Variants in GRK6 observed in about 807,000 individuals in gnomAD.
The protein encoded by GRK6 is G protein-coupled receptor kinase 6.
In GRK6, 37 loss-of-function variants were observed where a neutral mutation model predicts 80.8. That is an observed-to-expected ratio of 0.46 (90% CI 0.35 to 0.60). The LOEUF is 0.60. Ranked by LOEUF, GRK6 falls within the 20% of genes least tolerant of loss-of-function variation. GRK6 has a pLI of 0.00. For missense variants in GRK6, 560 were observed against 784.6 expected (o/e 0.71, Z 3.42); for synonymous variants, 295 against 320.9 (o/e 0.92, Z 0.86).
chr5:177,433,590 G>C lies in GRK6; in HGVS notation c.652G>C (p.Glu218Gln). 1 of 1,614,166 alleles carries C rather than the reference G, an allele frequency of 6.2e-7. No individual in the cohort carries two copies. Among genetic ancestry groups the C allele is most frequent in the Non-Finnish European group, 8.5e-7 (1 of 1,180,038 alleles). Residue 218 changes from glutamate (E) to glutamine (Q), a missense_variant, in exon 8 of 16, where the codon GAG becomes CAG. Glu to Gln is a conservative substitution (Grantham distance 29). Coordinates refer to ENST00000355472, the MANE Select transcript of GRK6 (RefSeq NM_001004106.3). ...TAAGATGTATGCCTGCAAGAAGCTA[G>C]AGAAAAAGCGGATCAAGAAGCGGAA... ...TGKMYACKKL[E>Q]KKRIKKRKGE... is the part of the protein sequence containing the mutation.
At chr5:177,426,098 T>C (rs1017365958), upstream of GRK6, among the ~76,000 whole-genome samples, 3 of 152,152 alleles carry the variant, frequency 2.0e-5, no homozygotes, top group African/African-American at 7.2e-5. Flanking sequence ...CGCAGCCTCC[T>C]CCCTGTCTCT....
In GRK6 at chr5:177,436,428, T is replaced by C; in HGVS notation, c.1302T>C (p.Cys434=). ...AGGACCCTGCCGAACGCCTGGGGTG[T>C]CGTGGGGGCAGTGCCCGCGAGGTGA... The part of the protein sequence containing the change: ...LCKDPAERLG[C]RGGSAREVKE... Residue 434 remains cysteine (C), a synonymous_variant, in exon 13 of 16, where the codon TGT becomes TGC. Coordinates refer to ENST00000355472, the MANE Select transcript of GRK6 (RefSeq NM_001004106.3). 1.3e-6 allele frequency: 2 copies of C among 1,537,466 alleles called. No individual in the cohort carries two copies. Among genetic ancestry groups the C allele is most frequent in the Non-Finnish European group, 1.8e-6 (2 of 1,133,998 alleles).
rs114724562 is a variant in GRK6 at position 177,440,558 on chromosome 5, G to A, written c.1405-142G>A. 330 of 961,144 alleles carry A rather than the reference G, an allele frequency of 3.4e-4. 4 individuals carry two copies. The South Asian group carries it at 4.3e-3, about 13-fold the overall frequency. The allele number at this position is 961,144 out of a possible 1,614,324, so 59.5% of individuals were successfully genotyped here. On this transcript the variant is annotated intron_variant, in intron 13 of 15. Coordinates refer to ENST00000355472, the MANE Select transcript of GRK6 (RefSeq NM_001004106.3). ...AGGGCCTGCCCCACTTAGGAAGTGCGTGGGGCACCTGGTTTCTCCAAATCA... is the reference window on the plus strand; with the variant it reads ...AGGGCCTGCCCCACTTAGGAAGTGCATGGGGCACCTGGTTTCTCCAAATCA...
intron 13 of GRK6, chr5:177,439,827 C>T (rs1764374787): frequency 6.6e-6 from 1 of 152,268 alleles, no homozygotes; most frequent in Non-Finnish European, 1.5e-5. Context: ...CTTCAAGGTT[C>T]ATCCATGTTG....
At position 177,436,489 on chromosome 5, in the gene GRK6, C is replaced by A. The variant is rs1764164406; in HGVS notation, c.1363C>A (p.Arg455=). The A allele has an allele frequency of 6.2e-7, 1 of 1,609,192 alleles. No individual in the cohort carries two copies. Among genetic ancestry groups the A allele is most frequent in the African/African-American group, 1.3e-5 (1 of 74,838 alleles). ...HPLFKKLNFK[R]LGAGMLEPPF... ...CCTCTTTAAGAAGCTGAACTTCAAG[C>A]GGCTGGGAGCTGGCATGCTGGAGCC... The change falls in exon 13 of 16, where the codon CGG becomes AGG. Residue 455 remains arginine (R), a synonymous_variant. Coordinates refer to ENST00000355472, the MANE Select transcript of GRK6 (RefSeq NM_001004106.3).
intron 13 of GRK6, among the ~76,000 whole-genome samples, chr5:177,439,696 T>G (rs1224659422): frequency 6.6e-6 from 1 of 151,736 alleles, no homozygotes; most frequent in Non-Finnish European, 1.5e-5. Flanking sequence ...CTCCCGCTGC[T>G]CCTAGCAATC....
chr5:177,429,399 A>G lies in GRK6; in HGVS notation c.53-1473A>G, dbSNP rs1170409059. Among the ~76,000 whole-genome samples, 1 of 151,904 alleles carries G rather than the reference A, an allele frequency of 6.6e-6. No individual in the cohort carries two copies. Among genetic ancestry groups the G allele is most frequent in the Non-Finnish European group, 1.5e-5 (1 of 67,946 alleles). ...TGGCTGGGAGGGGGGAGGAGGAAGT[A>G]ACTGAGGGTGGGAGGCTGGCGGATG... On this transcript the variant is annotated intron_variant, in intron 1 of 15. Coordinates refer to ENST00000355472, the MANE Select transcript of GRK6 (RefSeq NM_001004106.3). The surrounding 1 kb of genome is among the most constrained non-coding windows in gnomAD (Gnocchi z 4.3).
In GRK6 at chr5:177,433,399, G is replaced by A. The variant is rs758884458; in HGVS notation, c.586G>A (p.Gly196Ser). The A allele has an allele frequency of 6.2e-7, 1 of 1,613,738 alleles. No individual in the cohort carries two copies. Among genetic ancestry groups the A allele is most frequent in the Non-Finnish European group, 8.5e-7 (1 of 1,179,758 alleles). Residue 196 changes from glycine (G) to serine (S), a missense_variant, in exon 7 of 16, where the codon GGC becomes AGC. Transcript: ENST00000355472. ...GCAATACCGAGTCCTGGGCAAAGGT[G>A]GCTTTGGGGAGGTGAGTGGCCAGGC... ...FRQYRVLGKG[G>S]FGEVCACQVR...
intron 2 of GRK6, 63 bp from the exon 3 acceptor site, chr5:177,431,932 G>T: frequency 7.0e-7 from 1 of 1,433,072 alleles, no homozygotes; most frequent in Non-Finnish European, 9.8e-7. Flanking sequence ...TGGTGGTGTG[G>T]GCACATGCCC....
Position 177,429,792 on chromosome 5 carries a change from T to A in GRK6, c.53-1080T>A, listed in dbSNP as rs1763812481. ...TGCCATGGCGTTGTTGGAGTTGGGG[T>A]TCACCTCTTGACTCAGCCCTACTTG... is the stretch of plus-strand genomic sequence containing the variant. On this transcript the variant is annotated intron_variant, in intron 1 of 15. Transcript: ENST00000355472. This position sits in a 1 kb window ranked among gnomAD's most constrained non-coding sequence, Gnocchi z 4.3. Among the ~76,000 whole-genome samples the A allele has an allele frequency of 6.6e-6, 1 of 152,120 alleles. No individual in the cohort carries two copies. Among genetic ancestry groups the A allele is most frequent in the Non-Finnish European group, 1.5e-5 (1 of 68,014 alleles).
intron 13 of GRK6, among the ~76,000 whole-genome samples, chr5:177,437,758 T>C (rs1764230847): frequency 6.6e-6 from 1 of 152,208 alleles, no homozygotes; most frequent in African/African-American, 2.4e-5. Flanking sequence ...GTGACAGTCA[T>C]AGGGAAGGTT....
rs1230421764 is a variant in GRK6, at chr5:177,436,188, G to T, written c.1173G>T (p.Lys391Asn). 19 of 1,614,114 alleles carry T rather than the reference G, an allele frequency of 1.2e-5. No individual in the cohort carries two copies. Among genetic ancestry groups the T allele is most frequent in the South Asian group, 6.6e-5 (6 of 91,090 alleles). ...CGCCCTTCCAGCAGAGGAAGAAGAA[G>T]ATCAAGCGGGAGGAGGTGGAGCGGC... ...GQSPFQQRKKKIKREEVERLV... is the reference protein window; with the variant it reads ...GQSPFQQRKKNIKREEVERLV... Residue 391 changes from lysine (K) to asparagine (N), a missense_variant, in exon 12 of 16, where the codon AAG becomes AAT. By Grantham distance (94) the Lys-to-Asn change is moderately conservative. Around this residue, in one of 3 missense-constraint regions of GRK6, gnomAD observed 294 missense variants for 397.4 expected, o/e 0.74. Coordinates refer to ENST00000355472, the MANE Select transcript of GRK6 (RefSeq NM_001004106.3).
chr5:177,441,144 G>A (rs536680386), intron 15 of GRK6, 91 bp downstream of exon 15: 4 of 1,537,798 alleles, frequency 2.6e-6, no homozygotes, highest in Admixed American at 3.8e-5. Flanking sequence ...TGCGCTGGGA[G>A]TGGGCGTCCT....
chr5:177,435,863 A>T (rs1331017678), intron 11 of GRK6, among the ~76,000 whole-genome samples: 1 of 152,234 alleles, frequency 6.6e-6, no homozygotes, highest in Non-Finnish European at 1.5e-5. Context: ...CTTCTTGTGT[A>T]AAATCTGAAG....
At chr5:177,432,921 T>C in intron 5 of GRK6, 115 bp downstream of exon 5, 2 of 914,266 alleles carry the variant, frequency 2.2e-6, no homozygotes, top group South Asian at 3.2e-5. Flanking sequence ...TGCCCAGCCC[T>C]GGCCTTGCCC....
At chr5:177,437,604 C>T (rs530000579) in intron 13 of GRK6, among the ~76,000 whole-genome samples, 2 of 152,172 alleles carry the variant, frequency 1.3e-5, no homozygotes, top group South Asian at 2.1e-4. Flanking sequence ...TTAAGCTCAC[C>T]GTGGAGTGTA....
rs771499222 is a variant in GRK6 at position 177,426,908 on chromosome 5, C to A, written c.52+11C>A. ...TCAAGGCCCGGGAAGGTGAGGCGGCCGGGTGGGCGGCCGGGCCCGGGTGCG... is the reference window on the plus strand; with the variant it reads ...TCAAGGCCCGGGAAGGTGAGGCGGCAGGGTGGGCGGCCGGGCCCGGGTGCG... On this transcript the variant is annotated intron_variant, in intron 1 of 15. Coordinates refer to ENST00000355472, the MANE Select transcript of GRK6 (RefSeq NM_001004106.3). 1.5e-6 allele frequency: 2 copies of A among 1,375,400 alleles called. No individual in the cohort carries two copies. 85.2% of individuals were successfully genotyped at this position (1,375,400 alleles called of 1,614,324 possible). A position where few individuals can be genotyped will look rare whatever the true frequency, so the allele number is the denominator to read the frequency against.
At chr5:177,434,191 G>C (rs867928560) in intron 9 of GRK6, 87 bp downstream of exon 9, 16 of 1,276,374 alleles carry the variant, frequency 1.3e-5, no homozygotes, top group Middle Eastern at 2.1e-4. Flanking sequence ...CAAGGCTGCC[G>C]ATCAGGCCAG....
In GRK6 at chr5:177,435,018, C is replaced by G; in HGVS notation, c.968-14C>G. 2.5e-6 allele frequency: 4 copies of G among 1,613,034 alleles called. No individual in the cohort carries two copies. The highest frequency in any genetic ancestry group is 3.4e-6 in the Non-Finnish European group (4 of 1,179,612). Reference sequence around the variant, plus strand: ...CCTGTTAACGGGTCCACCTGTTTCTCCACCCACACTCAGGCCACATCCGCA... The same window carrying G: ...CCTGTTAACGGGTCCACCTGTTTCTGCACCCACACTCAGGCCACATCCGCA... On this transcript the variant is annotated splice_polypyrimidine_tract_variant and intron_variant, in intron 10 of 15. Coordinates refer to ENST00000355472, the MANE Select transcript of GRK6 (RefSeq NM_001004106.3).
Sources: gnomAD v4.1 joint callset for allele counts (sites outside exome capture counted in the v4.1 genomes callset) on GRCh38, gnomAD v4.1.1 for gene constraint, gnomAD v4.1.1 regional missense constraint, Gnocchi (gnomAD v3.1) non-coding constraint, MANE v1.5 for transcripts, NCBI Gene and HGNC (gene_info 2026-07-23, HGNC 2026-07-21) for gene names.